DGKB: variants seen among roughly 807,000 people sequenced by gnomAD.
DGKB encodes the protein 90 kDa diacylglycerol kinase.
DGKB carries 67 observed loss-of-function variants against 114.3 expected under a neutral mutation model. The observed-to-expected ratio is 0.59, with a 90% confidence interval of 0.48 to 0.72. The LOEUF (loss-of-function observed/expected upper bound fraction) is 0.72, where lower values mean the gene tolerates loss of function less well. Among genes scored for constraint, DGKB ranks in the 30% least tolerant of loss-of-function variants. The probability of loss-of-function intolerance (pLI) is 0.00; values close to 1 mark genes in which losing one functional copy is unlikely to be tolerated. For synonymous variants in DGKB, 398 were observed against 323.1 expected (o/e 1.23, Z -2.49); for missense variants, 907 against 975.2 (o/e 0.93, Z 0.93).
intron 20 of DGKB, among the ~76,000 whole-genome samples, chr7:14,515,514 G>T (rs6970725): frequency 6.6e-6 from 1 of 152,078 alleles, no homozygotes; most frequent in African/African-American, 2.4e-5. Flanking sequence ...ATTAAACTAC[G>T]TTTTCATTTG....
At chr7:14,518,811 G>A (rs1789269376) in intron 20 of DGKB, among the ~76,000 whole-genome samples, 1 of 151,972 alleles carries the variant, frequency 6.6e-6, no homozygotes, top group South Asian at 2.1e-4. Context: ...TAGGAATGTG[G>A]CTCTTCAATT....
intron 20 of DGKB, among the ~76,000 whole-genome samples, chr7:14,509,998 AC>A (rs1787747073): frequency 6.6e-6 from 1 of 152,028 alleles, no homozygotes; most frequent in Admixed American, 6.5e-5. Flanking sequence ...ACACGGTGAA[AC>A]CCCGTCTCTA....
intron 9 of DGKB, among the ~76,000 whole-genome samples, chr7:14,691,924 T>A (rs899265135): frequency 6.6e-6 from 1 of 151,814 alleles, no homozygotes; most frequent in Non-Finnish European, 1.5e-5. Flanking sequence ...ACTAAAAACA[T>A]AAAAAATAAG....
At chr7:14,884,288 T>G (rs1854680369) in intron 1 of DGKB, among the ~76,000 whole-genome samples, 1 of 151,978 alleles carries the variant, frequency 6.6e-6, no homozygotes, top group African/African-American at 2.4e-5. Context: ...TTATACTATA[T>G]CCATTATTGA....
chr7:14,660,802 T>C (rs1262605656), intron 13 of DGKB, among the ~76,000 whole-genome samples: 3 of 151,958 alleles, frequency 2.0e-5, no homozygotes, highest in Admixed American at 6.6e-5. Context: ...GACTTCAAAC[T>C]ATACTACAAG....
chr7:14,663,959 T>A lies in DGKB; in HGVS notation c.1134+8970A>T, dbSNP rs868203343. ...TCTTGGCCTTCCATCAAAATTACCA[T>A]TTGTCCAGCTACAAAGCTGGACTTG... On this transcript the variant is annotated intron_variant, in intron 13 of 25. Transcript: ENST00000402815. Among the ~76,000 whole-genome samples, 11 of 152,096 alleles carry A rather than the reference T, an allele frequency of 7.2e-5. No homozygotes were observed. The Middle Eastern group carries it at 0.01, about 141-fold the overall frequency.
chr7:14,165,114 C>G (rs1199223411), intron 25 of DGKB, among the ~76,000 whole-genome samples: 2 of 152,064 alleles, frequency 1.3e-5, no homozygotes, highest in Non-Finnish European at 2.9e-5. Context: ...TCCTTCCTTA[C>G]AGATATCCCA....
intron 1 of DGKB, among the ~76,000 whole-genome samples, chr7:14,848,414 A>G (rs1848924417): frequency 6.6e-6 from 1 of 152,192 alleles, no homozygotes; most frequent in African/African-American, 2.4e-5. Flanking sequence ...TTGTTTTGGG[A>G]TGTATTAAGT....
At chr7:14,940,120 A>T (rs1261637740) in intron 1 of DGKB, among the ~76,000 whole-genome samples, 1 of 152,158 alleles carries the variant, frequency 6.6e-6, no homozygotes, top group African/African-American at 2.4e-5. Flanking sequence ...TGATGGTCTT[A>T]TTTGAATAAA....
chr7:14,679,216 AATGTATTT>A (rs201332773), intron 12 of DGKB, among the ~76,000 whole-genome samples: 7,829 of 152,048 alleles, frequency 0.051, 336 homozygotes, highest in African/African-American at 0.12. Context: ...TGTGCACCCA[AATGTATTT>A]ATGTATTTCA....
intron 23 of DGKB, among the ~76,000 whole-genome samples, chr7:14,228,492 G>A (rs907392638): frequency 2.0e-5 from 3 of 151,878 alleles, no homozygotes; most frequent in African/African-American, 2.4e-5. Flanking sequence ...TTTAATATGA[G>A]TAATCTGAAA....
intron 25 of DGKB, among the ~76,000 whole-genome samples, chr7:14,156,451 T>A (rs1349647000): frequency 6.6e-6 from 1 of 152,154 alleles, no homozygotes; most frequent in Non-Finnish European, 1.5e-5. Context: ...TTGGGCTATA[T>A]GTAAATAAAT....
intron 20 of DGKB, among the ~76,000 whole-genome samples, chr7:14,543,695 T>G (rs548302318): frequency 1.3e-5 from 2 of 152,296 alleles, no homozygotes; most frequent in East Asian, 3.9e-4. Context: ...TAGCACAATG[T>G]TACTCTCACA....
chr7:14,742,524 G>A (rs541049748), intron 4 of DGKB, among the ~76,000 whole-genome samples: 1 of 152,278 alleles, frequency 6.6e-6, no homozygotes, highest in South Asian at 2.1e-4. Context: ...TCTACATTAT[G>A]GAAGTCAGAT....
chr7:14,913,535 A>T (rs759497387), intron 1 of DGKB, among the ~76,000 whole-genome samples: 1 of 151,072 alleles, frequency 6.6e-6, no homozygotes, highest in Non-Finnish European at 1.5e-5. Flanking sequence ...TTTCTCTGAC[A>T]TTAAGGACCT....
intron 17 of DGKB, among the ~76,000 whole-genome samples, chr7:14,589,026 T>G (rs1801239585): frequency 6.6e-6 from 1 of 152,088 alleles, no homozygotes; most frequent in African/African-American, 2.4e-5. Flanking sequence ...TATTCATGAA[T>G]GTAGTATTGC....
intron 1 of DGKB, among the ~76,000 whole-genome samples, chr7:14,966,962 G>GT (rs1787192236): frequency 6.6e-6 from 1 of 152,064 alleles, no homozygotes; most frequent in Non-Finnish European, 1.5e-5. Flanking sequence ...TATTATGCAT[G>GT]AATTGTACAT....
intron 23 of DGKB, among the ~76,000 whole-genome samples, chr7:14,181,475 T>G (rs773844582): frequency 3.9e-5 from 6 of 152,214 alleles, no homozygotes; most frequent in Non-Finnish European, 5.9e-5. Flanking sequence ...ATTGCCACAA[T>G]CCATTGGTTA....
intron 1 of DGKB, among the ~76,000 whole-genome samples, chr7:14,872,789 T>C (rs1339750148): frequency 1.3e-5 from 2 of 150,352 alleles, no homozygotes; most frequent in Non-Finnish European, 3.0e-5. Context: ...TGATTGTTTA[T>C]GTAACATATA....
Sources: gnomAD v4.1 joint callset for allele counts (sites outside exome capture counted in the v4.1 genomes callset) on GRCh38, gnomAD v4.1.1 for gene constraint, MANE v1.5 for transcripts, NCBI Gene and HGNC (gene_info 2026-07-23, HGNC 2026-07-21) for gene names.